Variants in CFAP58 observed in about 807,000 individuals in gnomAD.
CFAP58 encodes the protein cilia- and flagella-associated protein 58.
CFAP58 carries 88 observed loss-of-function variants against 119.5 expected under a neutral mutation model. The observed-to-expected ratio is 0.74, with a 90% CI of 0.62 to 0.88. The LOEUF is 0.88. CFAP58 is among the 40% of genes least tolerant of loss of function. CFAP58 has a pLI of 0.00. For missense variants in CFAP58, 990 were observed against 1,021.2 expected (o/e 0.97, Z 0.42); for synonymous variants, 365 against 366.3 (o/e 1.00, Z 0.04).
intron 10 of CFAP58, 88 bp from the exon 11 acceptor site, chr10:104,393,241 C>A: frequency 8.4e-7 from 1 of 1,183,552 alleles, no homozygotes; most frequent in Non-Finnish European, 1.2e-6. Context: ...AGAGAGCGTC[C>A]CTTAAAAGCT....
chr10:104,426,518 GA>G (rs1474339023), intron 15 of CFAP58, among the ~76,000 whole-genome samples: 4 of 149,198 alleles, frequency 2.7e-5, no homozygotes, highest in African/African-American at 9.9e-5. Context: ...TTTAAACTTT[GA>G]TTAACCCAGG....
chr10:104,436,187 T>A (rs1344308209), intron 15 of CFAP58, among the ~76,000 whole-genome samples: 1 of 152,244 alleles, frequency 6.6e-6, no homozygotes, highest in Non-Finnish European at 1.5e-5. Flanking sequence ...TTTCTGCACA[T>A]ATGTACATTT....
chr10:104,398,080 A>G (rs1465981552), intron 11 of CFAP58, among the ~76,000 whole-genome samples: 1 of 152,222 alleles, frequency 6.6e-6, no homozygotes, highest in Non-Finnish European at 1.5e-5. Flanking sequence ...GCTCTAACAC[A>G]TACCCTTCCA....
chr10:104,454,572 T>C lies in CFAP58; in HGVS notation c.*42T>C. On this transcript the variant is annotated 3_prime_UTR_variant, in exon 18 of 18. Transcript: ENST00000369704. ...GTTTCCAGTTGAACAACTCATGAAA[T>C]CTGCTCTGGGACATTTTGGGGGAAT... 1.4e-6 allele frequency: 2 copies of C among 1,431,854 alleles called. No individual in the cohort carries two copies. The highest frequency in any genetic ancestry group is 2.0e-6 in the Non-Finnish European group (2 of 1,014,802). The allele number at this position is 1,431,854 out of a possible 1,614,324, so 88.7% of individuals were successfully genotyped here.
intron 9 of CFAP58, among the ~76,000 whole-genome samples, chr10:104,384,628 T>TTC (rs1201165630): frequency 6.6e-6 from 1 of 152,236 alleles, no homozygotes; most frequent in African/African-American, 2.4e-5. Flanking sequence ...AACAACTGAC[T>TTC]ATCAGCGATT....
rs761968569 is a variant in CFAP58 at position 104,400,767 on chromosome 10, C to T, written c.1903C>T (p.Gln635Ter). 2 of 1,614,136 alleles carry T rather than the reference C, an allele frequency of 1.2e-6. No homozygotes were observed. The highest frequency in any genetic ancestry group is 2.2e-5 in the South Asian group (2 of 91,086). The stretch of plus-strand genomic sequence containing the variant: ...GCTCTATGAGAAGATCAAGATCCAA[C>T]AGTCTGTGCTGAATAAAGGGGAGAG... ...ALLYEKIKIQ[Q>*]SVLNKGESQY... Residue 635 changes from glutamine (Q) to a stop codon, truncating the protein, a stop_gained, in exon 13 of 18, where the codon CAG (glutamine) becomes TAG (stop). Transcript: ENST00000369704. LOFTEE classifies it high-confidence loss of function.
intron 1 of CFAP58, 140 bp downstream of exon 1, chr10:104,354,046 C>T: frequency 4.8e-6 from 5 of 1,048,106 alleles, no homozygotes; most frequent in Non-Finnish European, 7.0e-6. Flanking sequence ...CTCACTCCCG[C>T]GCCTTTCTCC....
chr10:104,416,610 G>A (rs539951069), intron 15 of CFAP58, among the ~76,000 whole-genome samples: 1 of 152,022 alleles, frequency 6.6e-6, no homozygotes, highest in East Asian at 1.9e-4. Flanking sequence ...CTTTCATAAG[G>A]GCTTTCAATT....
intron 12 of CFAP58, 72 bp from the exon 13 acceptor site, chr10:104,400,608 G>A: frequency 8.0e-7 from 1 of 1,248,230 alleles, no homozygotes; most frequent in Non-Finnish European, 1.2e-6. Context: ...CTCATTGAAT[G>A]AATGGTGCTG....
intron 9 of CFAP58, among the ~76,000 whole-genome samples, chr10:104,384,796 C>A (rs557781599): frequency 6.6e-6 from 1 of 152,098 alleles, no homozygotes; most frequent in Non-Finnish European, 1.5e-5. Flanking sequence ...AAAGGTGAGG[C>A]TCCATGAACC....
chr10:104,353,740 T>G (rs944838498), upstream of CFAP58: 2 of 705,872 alleles, frequency 2.8e-6, no homozygotes, highest in Non-Finnish European at 4.7e-6. Context: ...AGAGGGCGTG[T>G]CCGTTGCCAG....
At chr10:104,440,844 C>T (rs934174148) in intron 15 of CFAP58, among the ~76,000 whole-genome samples, 4 of 152,076 alleles carry the variant, frequency 2.6e-5, no homozygotes, top group Admixed American at 6.6e-5. Context: ...TTTCCCTTTC[C>T]GTGGCCCACC....
the CFAP58 span, among the ~76,000 whole-genome samples, chr10:104,338,842 A>C: frequency 6.6e-6 from 1 of 151,750 alleles, no homozygotes; most frequent in Non-Finnish European, 1.5e-5. Context: ...GGAAAATATA[A>C]CTCTAGACAA....
intron 11 of CFAP58, among the ~76,000 whole-genome samples, chr10:104,398,613 G>A (rs2012205265): frequency 6.6e-6 from 1 of 152,112 alleles, no homozygotes; most frequent in African/African-American, 2.4e-5. Context: ...GCCAGATTCA[G>A]GTCTGAGCTC....
intron 15 of CFAP58, among the ~76,000 whole-genome samples, chr10:104,420,751 ATTTTTTTTT>A (rs66462966): frequency 8.2e-6 from 1 of 121,624 alleles, no homozygotes; most frequent in Non-Finnish European, 1.7e-5. Context: ...TTTATATTTG[ATTTTTTTTT>A]TTTTTTTTTT....
At chr10:104,422,224 T>C (rs1292383419) in intron 15 of CFAP58, among the ~76,000 whole-genome samples, 1 of 152,172 alleles carries the variant, frequency 6.6e-6, no homozygotes, top group African/African-American at 2.4e-5. Context: ...TAGAAGAGCC[T>C]CTAAAGTACA....
chr10:104,399,548 G>A (rs538155515), intron 12 of CFAP58, 48 bp downstream of exon 12: 1 of 1,585,412 alleles, frequency 6.3e-7, no homozygotes, highest in South Asian at 1.1e-5. Flanking sequence ...ACAGACACGG[G>A]TATTTAATTC....
chr10:104,358,020 C>CATAT (rs375880516), intron 1 of CFAP58, among the ~76,000 whole-genome samples: 3 of 140,098 alleles, frequency 2.1e-5, no homozygotes, highest in African/African-American at 2.8e-5. Flanking sequence ...CATATATGTA[C>CATAT]ATATATATAC....
chr10:104,346,355 T>C, the CFAP58 span, among the ~76,000 whole-genome samples: 2 of 152,054 alleles, frequency 1.3e-5, no homozygotes, highest in East Asian at 3.9e-4. Context: ...TACTTTTGTT[T>C]GTTTGTTTTT....
Sources: allele counts gnomAD v4.1 joint callset (sites outside exome capture counted in the v4.1 genomes callset), GRCh38; gene constraint gnomAD v4.1.1; transcripts MANE v1.5; gene names NCBI Gene and HGNC (gene_info 2026-07-23, HGNC 2026-07-21).